A2M: variants seen among roughly 807,000 people sequenced by gnomAD.
The protein encoded by A2M is C3 and PZP-like alpha-2-macroglobulin domain-containing protein 5.
In A2M, 128 loss-of-function variants were observed where a neutral mutation model predicts 183.9. The observed-to-expected ratio is 0.70, with a 90% confidence interval of 0.60 to 0.81. The LOEUF is 0.81. Among genes scored for constraint, A2M ranks in the 30% least tolerant of loss-of-function variants. A2M has a pLI of 0.00. For synonymous variants in A2M, 592 were observed against 670.8 expected (o/e 0.88, Z 1.81); for missense variants, 1,495 against 1,787.6 (o/e 0.84, Z 2.95).
intron 15 of A2M, among the ~76,000 whole-genome samples, chr12:9,098,060 A>C (rs922243488): frequency 6.6e-6 from 1 of 152,222 alleles, no homozygotes; most frequent in Non-Finnish European, 1.5e-5. Flanking sequence ...TACTGGTTGC[A>C]TGGAGCTCTG....
intron 7 of A2M, among the ~76,000 whole-genome samples, chr12:9,107,895 A>T (rs961969641): frequency 1.3e-5 from 2 of 151,244 alleles, no homozygotes; most frequent in African/African-American, 4.9e-5. Flanking sequence ...GTTTTATCTT[A>T]AAAAAGTCTT....
At chr12:9,101,120 T>A in intron 13 of A2M, 24 bp downstream of exon 13, 1 of 1,553,498 alleles carries the variant, frequency 6.4e-7, no homozygotes, top group Non-Finnish European at 8.7e-7. Context: ...GGGGCAGCAA[T>A]GCAGAGATGA....
chr12:9,110,283 CT>C, intron 5 of A2M, 30 bp downstream of exon 5: 2 of 1,448,294 alleles, frequency 1.4e-6, no homozygotes, highest in Non-Finnish European at 1.9e-6. Flanking sequence ...TATTGCTTTC[CT>C]TTTAATATGG....
rs758872277 is a variant in A2M, at chr12:9,068,107, G to A, written c.4408+76C>T. 4.7e-5 allele frequency: 71 copies of A among 1,494,764 alleles called. No individual in the cohort carries two copies. In the South Asian group the frequency reaches 4.8e-4, roughly 10 times the overall value. 92.6% of individuals were successfully genotyped at this position (1,494,764 alleles called of 1,614,324 possible). A position where few individuals can be genotyped will look rare whatever the true frequency, so the allele number is the denominator to read the frequency against. ...TGTTTTTGACAAATATTTACCCAGC[G>A]TTTTATGAAGGAGAAGGTTTGGGGG... is the stretch of plus-strand genomic sequence containing the variant. On this transcript the variant is annotated intron_variant, in intron 35 of 35. Coordinates refer to ENST00000318602, the MANE Select transcript of A2M (RefSeq NM_000014.6).
chr12:9,083,711 A>C (rs1948975317), intron 22 of A2M, among the ~76,000 whole-genome samples: 1 of 151,700 alleles, frequency 6.6e-6, no homozygotes, highest in Non-Finnish European at 1.5e-5. Flanking sequence ...AGAGACTATA[A>C]AGCACATTTA....
chr12:9,110,021 AT>A lies in A2M; in HGVS notation c.518del (p.Asn173IlefsTer11). 1 of 1,611,500 alleles carries A rather than the reference AT, an allele frequency of 6.2e-7. No individual in the cohort carries two copies. Among genetic ancestry groups the A allele is most frequent in the Non-Finnish European group, 8.5e-7 (1 of 1,179,120 alleles). ...PLVYIQDPKG[N>X]RIAQWQSFQL... ...GGAAACTCTGCCATTGTGCGATGCG[AT>A]TTCCTTTGGGATCCTATATGAGTAA... On this transcript the variant is annotated frameshift_variant, in exon 6 of 36. Transcript: ENST00000318602. LOFTEE classifies it high-confidence loss of function.
Position 9,110,311 on chromosome 12 carries a change from T to C in A2M, c.504+3A>G. The C allele has an allele frequency of 6.8e-7, 1 of 1,463,806 alleles. No homozygotes were observed. Among genetic ancestry groups the C allele is most frequent in the Non-Finnish European group, 9.3e-7 (1 of 1,080,310 alleles). The allele number at this position is 1,463,806 out of a possible 1,614,324, so 90.7% of individuals were successfully genotyped here. On this transcript the variant is annotated splice_donor_region_variant and intron_variant, in intron 5 of 35. Coordinates refer to ENST00000318602, the MANE Select transcript of A2M (RefSeq NM_000014.6). ...TTAATATGGAATGTTTCATGTTGCT[T>C]ACCTGAATGTATACTAGTGGAATCT...
chr12:9,068,221 T>C lies in A2M; in HGVS notation c.4370A>G (p.Glu1457Gly). The change falls in exon 35 of 36, where the codon GAG (glutamate) becomes GGG (glycine). Residue 1457 changes from glutamate (E) to glycine (G), a missense_variant. Physicochemically the swap from Glu to Gly is moderately conservative, Grantham distance 98. Transcript: ENST00000318602. ...AGCATTGTACTCAGCAATTGCAAAC[T>C]CATCTGAAAAAAAAAAAACCAACAA... Reference protein sequence around the residue: ...VKVYDYYETDEFAIAEYNAPC... With the variant: ...VKVYDYYETDGFAIAEYNAPC... The C allele has an allele frequency of 6.2e-7, 1 of 1,602,898 alleles. No individual in the cohort carries two copies. Among genetic ancestry groups the C allele is most frequent in the Admixed American group, 1.7e-5 (1 of 59,278 alleles).
rs1193327138 is a variant in A2M at position 9,099,532 on chromosome 12, C to T, written c.1559-9G>A. The T allele has an allele frequency of 1.9e-6, 3 of 1,603,896 alleles. No individual in the cohort carries two copies. The highest frequency in any genetic ancestry group is 1.7e-5 in the Admixed American group (1 of 58,666). On this transcript the variant is annotated splice_polypyrimidine_tract_variant and intron_variant, in intron 13 of 35. Coordinates refer to ENST00000318602, the MANE Select transcript of A2M (RefSeq NM_000014.6). The stretch of plus-strand genomic sequence containing the variant: ...GGAAAAATGGCCCTTCACTGGGGCA[C>T]AAAGAGAATGAGAGGAAGCCATCAT...
At chr12:9,110,505 A>G (rs1938644107) in intron 4 of A2M, among the ~76,000 whole-genome samples, 171 bp from the exon 5 acceptor site, 2 of 152,050 alleles carry the variant, frequency 1.3e-5, no homozygotes, top group South Asian at 4.1e-4. Context: ...TTCGTAACAC[A>G]AAGAATAAAT....
At chr12:9,110,946 A>T (rs4883213) in intron 4 of A2M, among the ~76,000 whole-genome samples, 24,749 of 152,116 alleles carry the variant, frequency 0.16, 2,180 homozygotes, top group African/African-American at 0.21. Flanking sequence ...CCTAGTGAAG[A>T]TCAATCCTTT....
Position 9,079,830 on chromosome 12 carries a change from A to C in A2M, c.2855-15T>G. The C allele has an allele frequency of 6.4e-7, 1 of 1,562,414 alleles. No individual in the cohort carries two copies. The highest frequency in any genetic ancestry group is 8.7e-7 in the Non-Finnish European group (1 of 1,155,818). ...TAATATGTCTCCTAGAGAATGGGAGAGATGGGAAGTCATAAAGCTTGGAGA... is the reference window on the plus strand; with the variant it reads ...TAATATGTCTCCTAGAGAATGGGAGCGATGGGAAGTCATAAAGCTTGGAGA... On this transcript the variant is annotated splice_polypyrimidine_tract_variant and intron_variant, in intron 23 of 35. Transcript: ENST00000318602.
intron 28 of A2M, among the ~76,000 whole-genome samples, chr12:9,075,556 T>C (rs1293661234): frequency 6.6e-6 from 1 of 152,216 alleles, no homozygotes; most frequent in Non-Finnish European, 1.5e-5. Context: ...CATACTTGTA[T>C]AGGGGTCTTC....
At position 9,089,184 on chromosome 12, in the gene A2M, G is replaced by A. The variant is rs1258914228; in HGVS notation, c.2770+16C>T. On this transcript the variant is annotated intron_variant, in intron 22 of 35. Transcript: ENST00000318602. ...TAGACTTTAATGTTTTTTAAATTAT[G>A]ATGGTTGACTCTTACCTGATGGACA... 6.4e-7 allele frequency: 1 copy of A among 1,556,534 alleles called. No homozygotes were observed. Among genetic ancestry groups the A allele is most frequent in the Non-Finnish European group, 8.8e-7 (1 of 1,141,966 alleles).
At chr12:9,101,714 G>T (rs755213233) in intron 11 of A2M, 40 bp from the exon 12 acceptor site, 2 of 1,447,724 alleles carry the variant, frequency 1.4e-6, no homozygotes, top group Non-Finnish European at 9.5e-7. Flanking sequence ...TAGATTATAC[G>T]TCATAAAGAT....
intron 34 of A2M, 95 bp from the exon 35 acceptor site, chr12:9,068,319 G>C: frequency 3.9e-6 from 5 of 1,275,068 alleles, no homozygotes; most frequent in Non-Finnish European, 5.5e-6. Flanking sequence ...GAAGGAGTTT[G>C]TTGTGGGAAG....
intron 8 of A2M, 115 bp from the exon 9 acceptor site, chr12:9,106,720 A>G: frequency 2.0e-6 from 1 of 500,256 alleles, no homozygotes; most frequent in Non-Finnish European, 3.5e-6. Flanking sequence ...GGCATTTTCT[A>G]TGACGAGGAC....
chr12:9,098,418 A>C (rs1173218074), intron 15 of A2M, 189 bp downstream of exon 15: 2 of 341,744 alleles, frequency 5.9e-6, no homozygotes, highest in Non-Finnish European at 9.6e-6. Context: ...TTTTAACTGC[A>C]GAAGTGAGTA....
chr12:9,074,781 T>A lies in A2M; in HGVS notation c.3535A>T (p.Asn1179Tyr). ...TGAGGGCGCTCCCAATGGACAGAGTTGTCTTAAAGATGAGAAAAAGATATT... is the reference window on the plus strand; with the variant it reads ...TGAGGGCGCTCCCAATGGACAGAGTAGTCTTAAAGATGAGAAAAAGATATT... ...SLNEEAVKKD[N>Y]SVHWERPQKP... Residue 1179 changes from asparagine to tyrosine, a missense_variant and splice_region_variant, in exon 29 of 36, where the codon AAC becomes TAC. Coordinates refer to ENST00000318602, the MANE Select transcript of A2M (RefSeq NM_000014.6). 6.2e-7 allele frequency: 1 copy of A among 1,609,826 alleles called. No individual in the cohort carries two copies. Among genetic ancestry groups the A allele is most frequent in the Non-Finnish European group, 8.5e-7 (1 of 1,178,038 alleles).
Sources: allele counts gnomAD v4.1 joint callset (sites outside exome capture counted in the v4.1 genomes callset), GRCh38; gene constraint gnomAD v4.1.1; transcripts MANE v1.5; gene names NCBI Gene and HGNC (gene_info 2026-07-23, HGNC 2026-07-21).